RORA: variants seen among roughly 807,000 people sequenced by gnomAD.
RORA encodes RAR related orphan receptor A.
A neutral mutation model predicts 69.5 loss-of-function variants in RORA; 7 were observed. That is an observed-to-expected ratio of 0.10 (90% confidence interval 0.06 to 0.19). RORA has a LOEUF of 0.19. Among genes scored for constraint, RORA ranks in the 10% least tolerant of loss-of-function variants. The probability of loss-of-function intolerance (pLI) is 1.00; values close to 1 mark genes in which losing one functional copy is unlikely to be tolerated. For missense variants in RORA, 457 were observed against 663.0 expected, an observed-to-expected ratio of 0.69 and a Z score of 3.41; for synonymous variants, 261 against 240.8, an observed-to-expected ratio of 1.08 and a Z score of -0.78.
rs573492650 is a variant in RORA, at chr15:60,909,408, C to T, written c.167-230722G>A. On this transcript the variant is annotated intron_variant, in intron 1 of 10. Coordinates refer to ENST00000335670, the MANE Select transcript of RORA (RefSeq NM_134261.3). Reference sequence around the variant, plus strand: ...GCTCTTTAGAACCTAGGTGGGCTAACGGGAAAAGTCAATGTTAGCAGTAAA... The same window carrying T: ...GCTCTTTAGAACCTAGGTGGGCTAATGGGAAAAGTCAATGTTAGCAGTAAA... 1.2e-4 allele frequency among the ~76,000 whole-genome samples: 19 copies of T among 152,292 alleles called. No homozygotes were observed. In the South Asian group the frequency reaches 1.9e-3, roughly 15 times the overall value.
At chr15:61,064,714 A>G (rs12438254) in intron 1 of RORA, among the ~76,000 whole-genome samples, 38,258 of 152,062 alleles carry the variant, frequency 0.25, 5,432 homozygotes, top group Non-Finnish European at 0.33. Context: ...CCAGCATTAC[A>G]TGAATTGAGG....
intron 1 of RORA, among the ~76,000 whole-genome samples, chr15:60,957,474 T>C (rs1306063871): frequency 1.3e-5 from 2 of 152,208 alleles, no homozygotes; most frequent in Non-Finnish European, 2.9e-5. Flanking sequence ...TCAAACACAA[T>C]GCAACAGTGA....
chr15:60,879,802 T>C (rs1385795304), intron 1 of RORA, among the ~76,000 whole-genome samples: 1 of 152,196 alleles, frequency 6.6e-6, no homozygotes, highest in Non-Finnish European at 1.5e-5. Flanking sequence ...TTTTAAATGT[T>C]ACTTAGCAGA....
intron 1 of RORA, among the ~76,000 whole-genome samples, chr15:60,811,354 C>T (rs1388805549): frequency 6.6e-6 from 1 of 152,354 alleles, no homozygotes; most frequent in East Asian, 1.9e-4. Flanking sequence ...CCCTTGCTGG[C>T]TTGGGATTCA....
intron 1 of RORA, among the ~76,000 whole-genome samples, chr15:60,960,980 C>T (rs12903220): frequency 0.25 from 37,324 of 152,080 alleles, 5,088 homozygotes; most frequent in Middle Eastern, 0.34. Flanking sequence ...AGCAGAACTG[C>T]GATTTAAGCC....
chr15:60,885,965 C>G (rs978438762), intron 1 of RORA, among the ~76,000 whole-genome samples: 1 of 152,252 alleles, frequency 6.6e-6, no homozygotes, highest in Non-Finnish European at 1.5e-5. Context: ...AAATCTCAGG[C>G]AGCTTCTCTG....
At chr15:60,760,421 T>A (rs1392643764) in intron 1 of RORA, among the ~76,000 whole-genome samples, 1 of 152,204 alleles carries the variant, frequency 6.6e-6, no homozygotes, top group African/African-American at 2.4e-5. Flanking sequence ...AAATCCCAGA[T>A]CACCCCAATA....
intron 1 of RORA, among the ~76,000 whole-genome samples, chr15:60,845,439 G>A (rs566862270): frequency 1.7e-4 from 26 of 152,128 alleles, no homozygotes; most frequent in East Asian, 5.8e-4. Context: ...CAACCTTTTC[G>A]TTTCCCCAGG....
chr15:60,524,251 A>G (rs1461198289), intron 3 of RORA, among the ~76,000 whole-genome samples: 2 of 152,120 alleles, frequency 1.3e-5, no homozygotes, highest in South Asian at 2.1e-4. Context: ...CAACCTTCCA[A>G]TTGGGACCCC....
intron 2 of RORA, among the ~76,000 whole-genome samples, chr15:60,617,064 G>A (rs1000690680): frequency 2.6e-5 from 4 of 152,066 alleles, no homozygotes; most frequent in Non-Finnish European, 4.4e-5. Flanking sequence ...CAACACAATC[G>A]CCCCAAGCTT....
rs7171287 is a variant in RORA, at chr15:61,079,780, C to T, written c.166+149273G>A. On this transcript the variant is annotated intron_variant, in intron 1 of 10. Transcript: ENST00000335670. ...AATGAGCTGGCTAGGGAGTTTTACA[C>T]GAGCTTTACATTTGCTCGCCTGGGC... Among the ~76,000 whole-genome samples, 81 of 152,164 alleles carry T rather than the reference C, an allele frequency of 5.3e-4. 3 individuals are homozygous for T. The highest frequency in any genetic ancestry group is 1.7e-3 in the African/African-American group (72 of 41,504).
At chr15:60,966,018 G>C (rs113264999) in intron 1 of RORA, among the ~76,000 whole-genome samples, 11 of 152,310 alleles carry the variant, frequency 7.2e-5, no homozygotes, top group African/African-American at 2.6e-4. Context: ...GAGATTTACT[G>C]CCTCACAAGG....
At chr15:60,874,772 T>C (rs1469495215) in intron 1 of RORA, among the ~76,000 whole-genome samples, 1 of 152,190 alleles carries the variant, frequency 6.6e-6, no homozygotes, top group Non-Finnish European at 1.5e-5. Flanking sequence ...GGAAGTAGGA[T>C]CATGGTTAAA....
intron 2 of RORA, among the ~76,000 whole-genome samples, chr15:60,584,214 C>A (rs2068267407): frequency 6.6e-6 from 1 of 152,214 alleles, no homozygotes; most frequent in South Asian, 2.1e-4. Flanking sequence ...CTGACAGAAT[C>A]AAACTCTGTG....
intron 2 of RORA, among the ~76,000 whole-genome samples, chr15:60,669,588 C>T (rs886827165): frequency 1.3e-5 from 2 of 152,218 alleles, no homozygotes; most frequent in South Asian, 4.2e-4. Flanking sequence ...AAGCCAAAAC[C>T]TGCTCTCTGT....
chr15:60,787,631 A>G (rs1003322088), intron 1 of RORA, among the ~76,000 whole-genome samples: 1 of 152,252 alleles, frequency 6.6e-6, no homozygotes, highest in African/African-American at 2.4e-5. Flanking sequence ...GATACTGAAA[A>G]TGCAAAGCTG....
chr15:60,617,913 T>TA (rs1483660395), intron 2 of RORA, among the ~76,000 whole-genome samples: 2 of 151,938 alleles, frequency 1.3e-5, no homozygotes, highest in Non-Finnish European at 2.9e-5. Context: ...GGGGGAAAAA[T>TA]AGAGAGGCAG....
Position 60,767,270 on chromosome 15 carries a change from G to A in RORA, c.167-88584C>T, listed in dbSNP as rs117929203. ...CTTTCTTGATATCTTGATGTTACCT[G>A]CTGGGACATTGGCCTTTTGAGTCTG... On this transcript the variant is annotated intron_variant, in intron 1 of 10. Transcript: ENST00000335670. Among the ~76,000 whole-genome samples the A allele has an allele frequency of 4.9e-4, 74 of 152,218 alleles. 1 individual carries two copies. The East Asian group carries it at 0.014, about 29-fold the overall frequency.
chr15:60,614,769 G>T, intron 2 of RORA: 1 of 750,644 alleles, frequency 1.3e-6, no homozygotes, highest in Non-Finnish European at 2.1e-6. Flanking sequence ...CAAGAAATAG[G>T]ATACTTAATA....
Sources: gnomAD v4.1 joint callset for allele counts (sites outside exome capture counted in the v4.1 genomes callset) on GRCh38, gnomAD v4.1.1 for gene constraint, MANE v1.5 for transcripts, NCBI Gene and HGNC (gene_info 2026-07-23, HGNC 2026-07-21) for gene names.